Variants in LRMDA observed in about 807,000 individuals in gnomAD.
LRMDA encodes leucine-rich melanocyte differentiation-associated protein.
LRMDA carries 18 observed loss-of-function variants against 29.8 expected under a neutral mutation model. That is an observed-to-expected ratio of 0.60 (90% confidence interval 0.42 to 0.90). The LOEUF (loss-of-function observed/expected upper bound fraction) is 0.90, where lower values mean the gene tolerates loss of function less well. Among genes scored for constraint, LRMDA ranks in the 40% least tolerant of loss-of-function variants. The pLI, the probability that LRMDA is intolerant of heterozygous loss-of-function variation, is 0.00. For synonymous variants in LRMDA, 125 were observed against 109.4 expected, an observed-to-expected ratio of 1.14 and a Z score of -0.89; for missense variants, 273 against 273.9, an observed-to-expected ratio of 1.00 and a Z score of 0.02.
intron 6 of LRMDA, among the ~76,000 whole-genome samples, chr10:76,336,122 C>A (rs879598718): frequency 0.12 from 18,748 of 151,766 alleles, 1,808 homozygotes; most frequent in African/African-American, 0.26. Context: ...ATCACCATTC[C>A]CCAAGGCCTT....
intron 6 of LRMDA, among the ~76,000 whole-genome samples, chr10:76,371,872 A>G (rs534003181): frequency 6.6e-6 from 1 of 152,204 alleles, no homozygotes; most frequent in African/African-American, 2.4e-5. Context: ...GCTTATCACT[A>G]GGGTCCTCTT....
intron 2 of LRMDA, among the ~76,000 whole-genome samples, chr10:75,802,932 ATGTGTG>A (rs71024568): frequency 2.2e-5 from 3 of 136,102 alleles, no homozygotes; most frequent in Non-Finnish European, 3.1e-5. Context: ...TTAATACATT[ATGTGTG>A]TGTGTGTGTG....
intron 2 of LRMDA, among the ~76,000 whole-genome samples, chr10:75,925,893 C>T (rs555975950): frequency 2.4e-4 from 36 of 152,046 alleles, no homozygotes; most frequent in African/African-American, 8.2e-4. Flanking sequence ...CTACTGACCT[C>T]GTATAATCTG....
At chr10:75,750,095 G>A (rs1171074195) in intron 2 of LRMDA, among the ~76,000 whole-genome samples, 7 of 152,068 alleles carry the variant, frequency 4.6e-5, no homozygotes, top group African/African-American at 1.2e-4. Context: ...TTTTCTATTC[G>A]ACAAAACCAC....
chr10:75,800,475 T>C (rs1389401042), intron 2 of LRMDA, among the ~76,000 whole-genome samples: 1 of 151,924 alleles, frequency 6.6e-6, no homozygotes, highest in Non-Finnish European at 1.5e-5. Context: ...TCTTGCTCTG[T>C]CACCCAGGCT....
In LRMDA at chr10:76,058,757, G is replaced by A. The variant is rs1381765673; in HGVS notation, c.490G>A (p.Val164Ile). The A allele has an allele frequency of 1.2e-6, 2 of 1,613,980 alleles. No individual in the cohort carries two copies. The highest frequency in any genetic ancestry group is 1.3e-5 in the African/African-American group (1 of 74,930). Reference sequence around the variant, plus strand: ...ACGAGAGGAGGCGTTGGTCAGAGGAGTCTTCATGAAGGTGGTGAAGCCCAA... The same window carrying A: ...ACGAGAGGAGGCGTTGGTCAGAGGAATCTTCATGAAGGTGGTGAAGCCCAA... ...QEREEALVRG[V>I]FMKVVKPKAS... is the part of the protein sequence containing the mutation. Residue 164 changes from valine (V) to isoleucine (I), a missense_variant, in exon 5 of 7, where the codon GTC (valine) becomes ATC (isoleucine). Physicochemically the swap from Val to Ile is conservative, Grantham distance 29. Transcript: ENST00000611255.
At chr10:76,414,017 G>A (rs1321984142) in intron 6 of LRMDA, among the ~76,000 whole-genome samples, 1 of 152,198 alleles carries the variant, frequency 6.6e-6, no homozygotes, top group Admixed American at 6.5e-5. Context: ...GCTGGTGAGA[G>A]GCAGAATGTA....
intron 2 of LRMDA, among the ~76,000 whole-genome samples, chr10:75,748,083 T>C (rs967027618): frequency 2.0e-5 from 3 of 151,990 alleles, no homozygotes; most frequent in Non-Finnish European, 4.4e-5. Flanking sequence ...TAACAGGCTT[T>C]TATTGTTGTT....
intron 2 of LRMDA, among the ~76,000 whole-genome samples, chr10:75,757,705 G>C (rs1233176873): frequency 2.0e-5 from 3 of 152,112 alleles, no homozygotes; most frequent in Non-Finnish European, 1.5e-5. Context: ...GACACAATAA[G>C]TGCTCAATAA....
chr10:76,097,059 G>A (rs950439042), intron 5 of LRMDA, among the ~76,000 whole-genome samples: 2 of 151,804 alleles, frequency 1.3e-5, no homozygotes, highest in Non-Finnish European at 2.9e-5. Flanking sequence ...CGGCCAGGCT[G>A]GAGTGCAGTG....
intron 2 of LRMDA, among the ~76,000 whole-genome samples, chr10:76,018,641 C>T (rs924710293): frequency 3.4e-5 from 5 of 147,870 alleles, no homozygotes; most frequent in African/African-American, 1.0e-4. Context: ...AATCTTGGCT[C>T]ACTGCAACCC....
intron 2 of LRMDA, among the ~76,000 whole-genome samples, chr10:75,916,883 G>T (rs1013315208): frequency 2.0e-5 from 3 of 152,144 alleles, no homozygotes; most frequent in Non-Finnish European, 4.4e-5. Flanking sequence ...TTAATATGTT[G>T]TCTGTGAATC....
chr10:75,514,172 T>G (rs2132033661), intron 2 of LRMDA, among the ~76,000 whole-genome samples: 1 of 151,586 alleles, frequency 6.6e-6, no homozygotes, highest in East Asian at 1.9e-4. Context: ...CTGTTTTTTT[T>G]TTTTTTTTCC....
intron 2 of LRMDA, among the ~76,000 whole-genome samples, chr10:75,989,919 A>G (rs1261292342): frequency 3.9e-5 from 6 of 152,100 alleles, no homozygotes; most frequent in Non-Finnish European, 7.3e-5. Flanking sequence ...TAGGTAAACG[A>G]GTGTCATGGT....
intron 6 of LRMDA, among the ~76,000 whole-genome samples, chr10:76,339,271 C>CAAA (rs201555311): frequency 1.3e-3 from 156 of 116,356 alleles, no homozygotes; most frequent in Admixed American, 2.4e-3. Context: ...CCCCTCCTTC[C>CAAA]AAAAAAAAAA....
chr10:76,535,398 T>C (rs1311533900), intron 6 of LRMDA, among the ~76,000 whole-genome samples: 3 of 152,266 alleles, frequency 2.0e-5, no homozygotes, highest in African/African-American at 7.2e-5. Context: ...AAACAACTGA[T>C]TGCTGTTTGC....
rs538653430 is a variant in LRMDA, at chr10:75,997,423, T to G, written c.132-38585T>G. Among the ~76,000 whole-genome samples the G allele has an allele frequency of 1.9e-3, 294 of 152,308 alleles. 3 individuals are homozygous for G. The highest frequency in any genetic ancestry group is 7.0e-3 in the African/African-American group (289 of 41,566). On this transcript the variant is annotated intron_variant, in intron 2 of 6. Coordinates refer to ENST00000611255, the MANE Select transcript of LRMDA (RefSeq NM_001305581.2). ...TAACTAGGTTATTTTCAGTTGTTCC[T>G]TATTCTACTCGGTATCATGAAGTAT...
intron 5 of LRMDA, among the ~76,000 whole-genome samples, chr10:76,128,810 A>G (rs1056644679): frequency 6.6e-6 from 1 of 152,142 alleles, no homozygotes; most frequent in African/African-American, 2.4e-5. Context: ...TCAGGGAGGC[A>G]ATCATTAAAG....
intron 5 of LRMDA, among the ~76,000 whole-genome samples, chr10:76,308,452 G>A (rs2758979): frequency 0.33 from 50,429 of 152,030 alleles, 9,805 homozygotes; most frequent in Non-Finnish European, 0.45. Context: ...AGGAAAGGCC[G>A]TGCTTGTTTC....
Sources: gnomAD v4.1 joint callset for allele counts (sites outside exome capture counted in the v4.1 genomes callset) on GRCh38, gnomAD v4.1.1 for gene constraint, MANE v1.5 for transcripts, NCBI Gene and HGNC (gene_info 2026-07-23, HGNC 2026-07-21) for gene names.